The following IL1RAPL2 variants were observed in gnomAD, a reference collection of about 807,000 sequenced individuals.
IL1RAPL2 encodes X-linked interleukin-1 receptor accessory protein-like 2.
Under a neutral mutation model 44.1 loss-of-function variants are expected in IL1RAPL2, and 3 were observed. The ratio of observed to expected loss-of-function variants is 0.07; its 90% CI spans 0.03 to 0.18. The LOEUF is 0.18. Among genes scored for constraint, IL1RAPL2 ranks in the 10% least tolerant of loss-of-function variants. The pLI is 1.00. For synonymous variants in IL1RAPL2, 181 were observed against 178.8 expected, an observed-to-expected ratio of 1.01 and a Z score of -0.10; for missense variants, 391 against 496.4, an observed-to-expected ratio of 0.79 and a Z score of 2.02.
chrX:104,931,901 T>C (rs56091831), intron 2 of IL1RAPL2, among the ~76,000 whole-genome samples: 2,764 of 108,711 alleles, frequency 0.025, 49 homozygotes, highest in Non-Finnish European at 0.04. Flanking sequence ...GAAAAGACTT[T>C]AAAATCTCAA....
At chrX:105,721,823 G>T (rs981688412) in intron 7 of IL1RAPL2, among the ~76,000 whole-genome samples, 2 of 111,665 alleles carry the variant, frequency 1.8e-5, no homozygotes, top group African/African-American at 6.5e-5. Context: ...TAGCAGTGAC[G>T]GAAAGTTCCA....
chrX:105,406,906 A>C (rs2035649455), intron 5 of IL1RAPL2: 4 of 1,144,907 alleles, frequency 3.5e-6, no homozygotes, highest in Non-Finnish European at 4.8e-6. Flanking sequence ...CAGAGGAGCA[A>C]CTCTGGCAGG....
At chrX:105,381,503 A>G (rs2035430039) in intron 5 of IL1RAPL2, among the ~76,000 whole-genome samples, 1 of 111,924 alleles carries the variant, frequency 8.9e-6, no homozygotes. Flanking sequence ...CAGAGAGGGC[A>G]CTATGCAGAA....
At chrX:105,093,301 G>A (rs1292235218) in intron 2 of IL1RAPL2, among the ~76,000 whole-genome samples, 1 of 111,192 alleles carries the variant, frequency 9.0e-6, no homozygotes, top group East Asian at 2.8e-4. Context: ...TCCTTCCTAC[G>A]GCCATTTGCT....
At chrX:104,999,256 A>G (rs2030808084) in intron 2 of IL1RAPL2, among the ~76,000 whole-genome samples, 1 of 112,015 alleles carries the variant, frequency 8.9e-6, no homozygotes, top group African/African-American at 3.2e-5. Context: ...TAGAAGGCAG[A>G]GAGTGTGCCA....
intron 2 of IL1RAPL2, among the ~76,000 whole-genome samples, chrX:104,665,231 C>T (rs1278609409): frequency 9.0e-6 from 1 of 110,748 alleles, no homozygotes; most frequent in Non-Finnish European, 1.9e-5. Flanking sequence ...CATGCCTATC[C>T]CTTCTACCTG....
chrX:105,679,066 A>G (rs1254652388), intron 6 of IL1RAPL2, among the ~76,000 whole-genome samples: 1 of 104,601 alleles, frequency 9.6e-6, no homozygotes, highest in Non-Finnish European at 2.0e-5. Context: ...AGACAAAGTC[A>G]TTTCTTAATT....
chrX:105,430,514 T>G (rs1459166822), intron 5 of IL1RAPL2, among the ~76,000 whole-genome samples: 4 of 111,792 alleles, frequency 3.6e-5, no homozygotes, highest in African/African-American at 1.3e-4. Context: ...ATTATGAGCC[T>G]TGCTTAATAG....
At chrX:104,674,832 G>C (rs1396073695) in intron 2 of IL1RAPL2, among the ~76,000 whole-genome samples, 16 of 111,681 alleles carry the variant, frequency 1.4e-4, no homozygotes, top group Admixed American at 5.7e-4. Context: ...TTGGGAGAGT[G>C]TATGTGTCAA....
At chrX:104,577,818 C>T (rs1164911604) in intron 1 of IL1RAPL2, among the ~76,000 whole-genome samples, 1 of 110,281 alleles carries the variant, frequency 9.1e-6, no homozygotes, top group East Asian at 2.9e-4. Context: ...TCTGGCAAGG[C>T]CGGATAGTTG....
At chrX:105,245,233 G>T (rs2034208584) in intron 4 of IL1RAPL2, among the ~76,000 whole-genome samples, 2 of 111,994 alleles carry the variant, frequency 1.8e-5, no homozygotes, top group African/African-American at 6.5e-5. Flanking sequence ...ATCAGTCTCT[G>T]TGTTTTACTT....
At chrX:105,012,926 G>A (rs2031091249) in intron 2 of IL1RAPL2, among the ~76,000 whole-genome samples, 2 of 110,450 alleles carry the variant, frequency 1.8e-5, no homozygotes, top group Non-Finnish European at 3.8e-5. Flanking sequence ...AGTGTGCCAA[G>A]TGAAAAGGAT....
rs143269048 is a variant in IL1RAPL2 at position 105,567,696 on chromosome X, T to C, written c.772+83309T>C. On this transcript the variant is annotated intron_variant, in intron 6 of 10. Coordinates refer to ENST00000372582, the MANE Select transcript of IL1RAPL2 (RefSeq NM_017416.2). Reference sequence around the variant, plus strand: ...CTTCGACCATACCATTATTTGTGGGTGGATCTGGAAGACTGATATATAAAA... The same window carrying C: ...CTTCGACCATACCATTATTTGTGGGCGGATCTGGAAGACTGATATATAAAA... 6.8e-3 allele frequency among the ~76,000 whole-genome samples: 766 copies of C among 111,885 alleles called. 7 individuals carry two copies. The highest frequency in any genetic ancestry group is 0.023 in the African/African-American group (719 of 30,847).
chrX:104,655,670 G>C (rs1392208593), intron 1 of IL1RAPL2, among the ~76,000 whole-genome samples: 1 of 111,512 alleles, frequency 9.0e-6, no homozygotes, highest in Non-Finnish European at 1.9e-5. Flanking sequence ...TTGGTATCAG[G>C]ATGATGCTGG....
At chrX:104,632,045 C>T (rs768072689) in intron 1 of IL1RAPL2, among the ~76,000 whole-genome samples, 2 of 111,512 alleles carry the variant, frequency 1.8e-5, no homozygotes, top group Non-Finnish European at 3.8e-5. Context: ...GATCCAGTTT[C>T]AGCTTTCTAC....
intron 2 of IL1RAPL2, among the ~76,000 whole-genome samples, chrX:104,863,279 C>T (rs1299272561): frequency 9.0e-6 from 1 of 111,498 alleles, no homozygotes; most frequent in Non-Finnish European, 1.9e-5. Flanking sequence ...CCAGATCCAG[C>T]CAGTTGATAA....
chrX:105,329,112 T>C (rs1015259403), intron 5 of IL1RAPL2, among the ~76,000 whole-genome samples: 8 of 112,461 alleles, frequency 7.1e-5, no homozygotes, highest in African/African-American at 2.6e-4. Flanking sequence ...GAAAATATTT[T>C]TCTGTGGATT....
chrX:104,670,883 T>G (rs1312683495), intron 2 of IL1RAPL2, among the ~76,000 whole-genome samples: 1 of 111,579 alleles, frequency 9.0e-6, no homozygotes, highest in African/African-American at 3.3e-5. Context: ...GTACAGCAAT[T>G]TCAAGCATTT....
chrX:104,787,413 T>C (rs1932804956), intron 2 of IL1RAPL2, among the ~76,000 whole-genome samples: 1 of 111,255 alleles, frequency 9.0e-6, no homozygotes, highest in Non-Finnish European at 1.9e-5. Flanking sequence ...AGTCTTTACT[T>C]TGTAGCCCCA....
Sources: allele counts gnomAD v4.1 joint callset (sites outside exome capture counted in the v4.1 genomes callset), GRCh38; gene constraint gnomAD v4.1.1; transcripts MANE v1.5; gene names NCBI Gene and HGNC (gene_info 2026-07-23, HGNC 2026-07-21).